CPD: variants seen among roughly 807,000 people sequenced by gnomAD.
CPD encodes metallocarboxypeptidase D.
A neutral mutation model predicts 138.3 loss-of-function variants in CPD; 69 were observed. The ratio of observed to expected loss-of-function variants is 0.50; its 90% CI spans 0.41 to 0.61. The LOEUF is 0.61. Among genes scored for constraint, CPD ranks in the 20% least tolerant of loss-of-function variants. The pLI is 0.00. For synonymous variants in CPD, 651 were observed against 642.1 expected (o/e 1.01, Z -0.21); for missense variants, 1,432 against 1,733.3 (o/e 0.83, Z 3.09).
chr17:30,422,708 A>G lies in CPD; in HGVS notation c.1342A>G (p.Lys448Glu). The G allele has an allele frequency of 6.2e-7, 1 of 1,613,448 alleles. No homozygotes were observed. Among genetic ancestry groups the G allele is most frequent in the Non-Finnish European group, 8.5e-7 (1 of 1,179,696 alleles). ...ATTGACTGTTACTAATGTAGTGGTG[A>G]AAGAAGGACCAGCCACAGAGGTGGA... ...MPLTVTNVVV[K>E]EGPATEVDFS... The change falls in exon 5 of 21, where the codon AAA (lysine) becomes GAA (glutamate). Residue 448 changes from lysine (K) to glutamate (E), a missense_variant. Lys to Glu is a moderately conservative substitution (Grantham distance 56, BLOSUM62 1). This residue lies in a region of CPD where 160 missense variants were observed against 197.9 expected (regional missense o/e 0.81). Transcript: ENST00000225719.
chr17:30,383,333 G>T (rs1911100432), intron 1 of CPD, among the ~76,000 whole-genome samples: 1 of 152,174 alleles, frequency 6.6e-6, no homozygotes. Context: ...TCTGGGAAAT[G>T]GGTAGCATTA....
intron 2 of CPD, among the ~76,000 whole-genome samples, chr17:30,407,952 C>T (rs1285849497): frequency 1.3e-5 from 2 of 152,088 alleles, no homozygotes; most frequent in Non-Finnish European, 2.9e-5. Context: ...GCTTTTAGGT[C>T]GTACGTTTAA....
intron 14 of CPD, 69 bp downstream of exon 14, chr17:30,451,915 T>C: frequency 6.9e-7 from 1 of 1,445,838 alleles, no homozygotes; most frequent in Non-Finnish European, 9.4e-7. Flanking sequence ...GATTGATTGA[T>C]CCTATTTTGT....
At chr17:30,446,713 A>G (rs1357231096) in intron 12 of CPD, among the ~76,000 whole-genome samples, 4 of 152,322 alleles carry the variant, frequency 2.6e-5, no homozygotes, top group South Asian at 2.1e-4. Flanking sequence ...GCTGGGTCAA[A>G]TGGTATTTCC....
At chr17:30,427,858 C>G (rs1368488904) in intron 7 of CPD, among the ~76,000 whole-genome samples, 2 of 150,464 alleles carry the variant, frequency 1.3e-5, no homozygotes, top group Non-Finnish European at 3.0e-5. Flanking sequence ...CTTCTCTTAC[C>G]TCCTCTCCCC....
chr17:30,384,636 T>C (rs975947562), intron 1 of CPD, among the ~76,000 whole-genome samples: 1 of 152,204 alleles, frequency 6.6e-6, no homozygotes, highest in Non-Finnish European at 1.5e-5. Context: ...AAAGCTCATA[T>C]AGTTCAACCT....
Position 30,413,971 on chromosome 17 carries a change from A to G in CPD, c.995-6870A>G, listed in dbSNP as rs78978399. Among the ~76,000 whole-genome samples the G allele has an allele frequency of 4.2e-3, 640 of 152,338 alleles. 6 individuals carry two copies. Among genetic ancestry groups the G allele is most frequent in the African/African-American group, 0.015 (620 of 41,570 alleles). The stretch of plus-strand genomic sequence containing the variant: ...GAGCATTCCAGCAAAGGGAACAAGT[A>G]GAGCAAAGTCAGGAGGTACTTAGAG... On this transcript the variant is annotated intron_variant, in intron 2 of 20. Transcript: ENST00000225719.
At chr17:30,457,210 G>C (rs1035669464) in intron 17 of CPD, among the ~76,000 whole-genome samples, 25 of 152,146 alleles carry the variant, frequency 1.6e-4, no homozygotes, top group African/African-American at 6.0e-4. Flanking sequence ...GGTATTTCAT[G>C]TAAGTAGAAT....
intron 12 of CPD, 21 bp downstream of exon 12, chr17:30,446,041 TC>T: frequency 1.3e-6 from 2 of 1,510,880 alleles, no homozygotes; most frequent in South Asian, 1.3e-5. Flanking sequence ...CTTTCTATTG[TC>T]TTTTTTTTTT....
At chr17:30,456,583 T>A (rs756263154) in intron 17 of CPD, 57 bp downstream of exon 17, 47 of 1,557,276 alleles carry the variant, frequency 3.0e-5, no homozygotes, top group Non-Finnish European at 3.8e-5. Flanking sequence ...ATGCCGTATG[T>A]GTAAACCCAG....
intron 2 of CPD, among the ~76,000 whole-genome samples, chr17:30,406,083 AT>A (rs1911794850): frequency 6.6e-6 from 1 of 152,024 alleles, no homozygotes; most frequent in African/African-American, 2.4e-5. Context: ...ACAGTAAAAA[AT>A]ATTGATTTTT....
chr17:30,456,395 G>C, intron 16 of CPD, 44 bp downstream of exon 16: 2 of 1,609,912 alleles, frequency 1.2e-6, no homozygotes, highest in Non-Finnish European at 1.7e-6. Context: ...TGTTGTTGTT[G>C]CTTTTGTGGG....
chr17:30,447,288 CT>C (rs1913057118), intron 12 of CPD, among the ~76,000 whole-genome samples: 1 of 152,100 alleles, frequency 6.6e-6, no homozygotes, highest in Non-Finnish European at 1.5e-5. Flanking sequence ...AGGTTTTCTT[CT>C]AGGGTTTTTA....
intron 3 of CPD, 68 bp from the exon 4 acceptor site, chr17:30,421,596 C>A: frequency 7.3e-7 from 1 of 1,378,584 alleles, no homozygotes; most frequent in Non-Finnish European, 1.0e-6. Flanking sequence ...AGTATCGGTG[C>A]AGAGAGAAAT....
intron 12 of CPD, among the ~76,000 whole-genome samples, chr17:30,448,498 A>G (rs1034106754): frequency 2.6e-5 from 4 of 152,226 alleles, no homozygotes; most frequent in African/African-American, 9.6e-5. Context: ...GGTGGGGCAC[A>G]AGAGAGTTTT....
At chr17:30,410,556 A>G (rs527502518) in intron 2 of CPD, among the ~76,000 whole-genome samples, 1 of 152,142 alleles carries the variant, frequency 6.6e-6, no homozygotes, top group Non-Finnish European at 1.5e-5. Flanking sequence ...TTGCATGCAT[A>G]TGTATTTAGG....
At position 30,462,352 on chromosome 17, in the gene CPD, T is replaced by TA. The variant is rs1419707873; in HGVS notation, c.3817-17dup. On this transcript the variant is annotated splice_polypyrimidine_tract_variant and intron_variant, in intron 19 of 20. Coordinates refer to ENST00000225719, the MANE Select transcript of CPD (RefSeq NM_001304.5). ...CTTAAGCAGAATTTGTCATGATTCT[T>TA]ACACTTTCTCCTTCTAGGTCTTTGT... The TA allele has an allele frequency of 6.3e-7, 1 of 1,597,442 alleles. No homozygotes were observed. The highest frequency in any genetic ancestry group is 1.7e-5 in the Admixed American group (1 of 59,828).
chr17:30,460,489 G>A (rs188856928), intron 17 of CPD, among the ~76,000 whole-genome samples: 93 of 152,182 alleles, frequency 6.1e-4, no homozygotes, highest in African/African-American at 2.0e-3. Flanking sequence ...TAGTGGCAAC[G>A]AGAGTAGAGT....
Position 30,380,045 on chromosome 17 carries a change from C to T in CPD, c.746+319C>T, listed in dbSNP as rs573856505. ...ATCTTAAGGATAACCTAGGTCAGCT[C>T]ACACATTTTATAGATAAGCTGTCAA... is the stretch of plus-strand genomic sequence containing the variant. On this transcript the variant is annotated intron_variant, in intron 1 of 20. Transcript: ENST00000225719. Among the ~76,000 whole-genome samples, 34 of 152,362 alleles carry T rather than the reference C, an allele frequency of 2.2e-4. 1 individual carries two copies. In the South Asian group the frequency reaches 3.9e-3, roughly 18 times the overall value.
Sources: allele counts gnomAD v4.1 joint callset (sites outside exome capture counted in the v4.1 genomes callset), GRCh38; gene constraint gnomAD v4.1.1; regional missense constraint gnomAD v4.1.1; transcripts MANE v1.5; gene names NCBI Gene and HGNC (gene_info 2026-07-23, HGNC 2026-07-21).